The following ARHGEF6 variants were observed in gnomAD, a reference collection of about 807,000 sequenced individuals.
The protein encoded by ARHGEF6 is rho guanine nucleotide exchange factor 6.
Under a neutral mutation model 70.3 loss-of-function variants are expected in ARHGEF6, and 9 were observed. The observed-to-expected ratio is 0.13, with a 90% confidence interval of 0.08 to 0.22. ARHGEF6 has a LOEUF of 0.22. Among genes scored for constraint, ARHGEF6 ranks in the 10% least tolerant of loss-of-function variants. The pLI is 1.00. For synonymous variants in ARHGEF6, 201 were observed against 207.8 expected, an observed-to-expected ratio of 0.97 and a Z score of 0.28; for missense variants, 470 against 563.0, an observed-to-expected ratio of 0.83 and a Z score of 1.67.
rs1249508000 is a variant in ARHGEF6 at position 136,668,530 on chromosome X, C to CTTA, written c.2191-362_2191-361insTAA. On this transcript the variant is annotated intron_variant, in intron 21 of 21. Coordinates refer to ENST00000250617, the MANE Select transcript of ARHGEF6 (RefSeq NM_004840.3). ...CCTGGTATTTCTTCTTCTTCTTCTT[C>CTTA]TTCTTATTATTATTATTATTATTAT... 8.1e-3 allele frequency among the ~76,000 whole-genome samples: 806 copies of CTTA among 99,948 alleles called. 6 individuals are homozygous for CTTA. Among genetic ancestry groups the CTTA allele is most frequent in the Non-Finnish European group, 0.01 (516 of 51,239 alleles). 86.8% of individuals were successfully genotyped at this position (99,948 alleles called of 115,157 possible).
chrX:136,761,528 C>A (rs772706813), intron 2 of ARHGEF6, among the ~76,000 whole-genome samples: 1 of 112,440 alleles, frequency 8.9e-6, no homozygotes, highest in African/African-American at 3.2e-5. Flanking sequence ...AGCACAGAGA[C>A]AAACTCAGAA....
chrX:136,779,428 T>C lies in ARHGEF6; in HGVS notation c.235A>G (p.Thr79Ala), dbSNP rs1165537127. The change falls in exon 2 of 22, where the codon ACC becomes GCC. Residue 79 changes from threonine to alanine, a missense_variant. Thr to Ala is a moderately conservative substitution (Grantham distance 58). Around this residue, in one of 3 missense-constraint regions of ARHGEF6, gnomAD observed 379 missense variants for 449.3 expected, o/e 0.84. Transcript: ENST00000250617. Reference protein sequence around the residue: ...NINDFLKGCATLQVEIFDPDD... With the variant: ...NINDFLKGCAALQVEIFDPDD... Reference sequence around the variant, plus strand: ...GGTAGGCTTACTTCCACTTGGAGGGTTGCACATCCTTTCAGGAAGTCATTG... The same window carrying C: ...GGTAGGCTTACTTCCACTTGGAGGGCTGCACATCCTTTCAGGAAGTCATTG... 7 of 1,210,430 alleles carry C rather than the reference T, an allele frequency of 5.8e-6. No individual in the cohort carries two copies. The South Asian group carries it at 7.0e-5, about 12-fold the overall frequency.
At chrX:136,686,621 TACACATATATATATATATATACACAC>T (rs2076394782) in intron 11 of ARHGEF6, among the ~76,000 whole-genome samples, 1 of 68,555 alleles carries the variant, frequency 1.5e-5, no homozygotes, top group African/African-American at 7.9e-5. Context: ...TATATATATA[TACACATATATATATATATATACACAC>T]ATATATATAT....
At chrX:136,779,533 T>C in intron 1 of ARHGEF6, 36 bp from the exon 2 acceptor site, 1 of 1,147,069 alleles carries the variant, frequency 8.7e-7, no homozygotes, top group South Asian at 1.8e-5. Context: ...TTGGAGATTG[T>C]CATCCCATGC....
intron 9 of ARHGEF6, among the ~76,000 whole-genome samples, chrX:136,698,172 A>G (rs752622923): frequency 1.8e-5 from 2 of 112,016 alleles, no homozygotes; most frequent in Non-Finnish European, 3.8e-5. Flanking sequence ...CTGGCAGAAG[A>G]AAGAATCTGT....
chrX:136,719,907 T>G (rs2076778409), intron 6 of ARHGEF6, among the ~76,000 whole-genome samples: 1 of 111,925 alleles, frequency 8.9e-6, no homozygotes, highest in African/African-American at 3.2e-5. Flanking sequence ...TGGACCAGCT[T>G]TTTAAAGATA....
intron 9 of ARHGEF6, among the ~76,000 whole-genome samples, chrX:136,696,590 C>A (rs960096570): frequency 5.4e-5 from 6 of 110,490 alleles, no homozygotes; most frequent in African/African-American, 2.0e-4. Context: ...TGCACTCCAG[C>A]CTGGGTGACA....
chrX:136,700,949 G>T (rs1416281388), intron 9 of ARHGEF6, among the ~76,000 whole-genome samples: 3 of 112,092 alleles, frequency 2.7e-5, no homozygotes, highest in Non-Finnish European at 5.6e-5. Context: ...ATGATCAAAA[G>T]AAAATGCCTG....
chrX:136,738,656 T>G (rs1371854535), intron 5 of ARHGEF6, among the ~76,000 whole-genome samples: 1 of 112,459 alleles, frequency 8.9e-6, no homozygotes, highest in Non-Finnish European at 1.9e-5. Context: ...CCATGTCTTA[T>G]GCTTCTCCAC....
chrX:136,718,641 T>C (rs2076762878), intron 6 of ARHGEF6, among the ~76,000 whole-genome samples: 1 of 111,398 alleles, frequency 9.0e-6, no homozygotes, highest in Non-Finnish European at 1.9e-5. Context: ...ATGCATAGCT[T>C]TTTAGAACTT....
intron 6 of ARHGEF6, among the ~76,000 whole-genome samples, chrX:136,722,611 G>A (rs1343363591): frequency 6.3e-5 from 7 of 111,825 alleles, no homozygotes; most frequent in African/African-American, 1.9e-4. Context: ...GATACTACTT[G>A]ATACTCAATA....
chrX:136,713,018 T>C (rs1446426823), intron 7 of ARHGEF6, among the ~76,000 whole-genome samples: 2 of 110,452 alleles, frequency 1.8e-5, no homozygotes, highest in African/African-American at 6.6e-5. Context: ...TTTTTTTTAA[T>C]GTACAAGATA....
chrX:136,698,483 A>C (rs2076534224), intron 9 of ARHGEF6, among the ~76,000 whole-genome samples: 1 of 111,984 alleles, frequency 8.9e-6, no homozygotes, highest in Non-Finnish European at 1.9e-5. Flanking sequence ...AAATCCTGAA[A>C]GTCAAGGAGA....
At chrX:136,710,930 G>A (rs909704383) in intron 7 of ARHGEF6, among the ~76,000 whole-genome samples, 2 of 111,932 alleles carry the variant, frequency 1.8e-5, no homozygotes, top group Non-Finnish European at 3.8e-5. Flanking sequence ...AATCATCAGA[G>A]AAATGCAAAT....
rs140201654 is a variant in ARHGEF6 at position 136,766,381 on chromosome X, G to A, written c.249+13033C>T. Among the ~76,000 whole-genome samples the A allele has an allele frequency of 2.2e-3, 212 of 94,373 alleles. 1 individual carries two copies. In the East Asian group the frequency reaches 0.046, roughly 21 times the overall value. 82.0% of individuals were successfully genotyped at this position (94,373 alleles called of 115,157 possible). ...TAAACTGAAATTTATCCTATTTTGT[G>A]AGGTTTTTTTTGGGGGGGGGTTATG... On this transcript the variant is annotated intron_variant, in intron 2 of 21. Transcript: ENST00000250617.
At position 136,713,358 on chromosome X, in the gene ARHGEF6, T is replaced by A. The variant is rs776336229; in HGVS notation, c.745A>T (p.Ile249Phe). Residue 249 changes from isoleucine (I) to phenylalanine (F), a missense_variant, in exon 7 of 22, where the codon ATC (isoleucine) becomes TTC (phenylalanine). Transcript: ENST00000250617. The part of the protein sequence containing the change: ...KNYYTVVLQN[I>F]LDTEKEYAKE... ...GCATATTCTTTTTCAGTGTCCAGGA[T>A]GTTCTGTAACACCTATGGAAAAAAA... The A allele has an allele frequency of 1.7e-6, 2 of 1,200,764 alleles. No homozygotes were observed. The highest frequency in any genetic ancestry group is 2.3e-6 in the Non-Finnish European group (2 of 886,285).
At position 136,680,788 on chromosome X, in the gene ARHGEF6, T is replaced by C; in HGVS notation, c.1647A>G (p.Gly549=). The C allele has an allele frequency of 1.7e-6, 2 of 1,211,222 alleles. No individual in the cohort carries two copies. The highest frequency in any genetic ancestry group is 3.5e-5 in the African/African-American group (2 of 57,832). ...TGGATAATGAACTGCAAGAGGCAGG[T>C]CCTCTGATCAGTCTGTTCAGCTGCT... The part of the protein sequence containing the change: ...WLEQLNRLIR[G]PASCSSLSKT... The change falls in exon 15 of 22, where the codon GGA becomes GGG. Residue 549 remains glycine, a synonymous_variant. Coordinates refer to ENST00000250617, the MANE Select transcript of ARHGEF6 (RefSeq NM_004840.3).
chrX:136,685,750 TC>T lies in ARHGEF6; in HGVS notation c.1318del (p.Glu440LysfsTer11), dbSNP rs760554282. The T allele has an allele frequency of 8.3e-7, 1 of 1,211,042 alleles. No individual in the cohort carries two copies. Among genetic ancestry groups the T allele is most frequent in the Non-Finnish European group, 1.1e-6 (1 of 894,738 alleles). On this transcript the variant is annotated frameshift_variant, in exon 12 of 22. Transcript: ENST00000250617. LOFTEE classifies it high-confidence loss of function. ...TCCCAAGTTTTTAATATCTTCTCCTTCCCATGCCTGAATAGGTTCGGACAGT... is the reference window on the plus strand; with the variant it reads ...TCCCAAGTTTTTAATATCTTCTCCTTCCATGCCTGAATAGGTTCGGACAGT... ...QILSEPIQAW[E>X]GEDIKNLGNV...
chrX:136,745,183 T>C, intron 4 of ARHGEF6, 40 bp downstream of exon 4: 5 of 1,205,920 alleles, frequency 4.1e-6, no homozygotes, highest in Non-Finnish European at 5.6e-6. Flanking sequence ...TCTAATTTTA[T>C]GGATTTTAAA....
Sources: allele counts gnomAD v4.1 joint callset (sites outside exome capture counted in the v4.1 genomes callset), GRCh38; gene constraint gnomAD v4.1.1; regional missense constraint gnomAD v4.1.1; transcripts MANE v1.5; gene names NCBI Gene and HGNC (gene_info 2026-07-23, HGNC 2026-07-21).